QKI: variants seen among roughly 807,000 people sequenced by gnomAD.
The protein encoded by QKI is KH domain-containing RNA-binding protein QKI.
A neutral mutation model predicts 39.0 loss-of-function variants in QKI; 10 were observed. The ratio of observed to expected loss-of-function variants is 0.26; its 90% CI spans 0.16 to 0.43. The LOEUF is 0.43. QKI is among the 20% of genes least tolerant of loss of function. The pLI, the probability that QKI is intolerant of heterozygous loss-of-function variation, is 1.00. For synonymous variants in QKI, 204 were observed against 155.4 expected, an observed-to-expected ratio of 1.31 and a Z score of -2.33; for missense variants, 218 against 428.0, an observed-to-expected ratio of 0.51 and a Z score of 4.33.
intron 6 of QKI, 96 bp downstream of exon 6, chr6:163,563,815 A>G: frequency 1.3e-6 from 2 of 1,515,206 alleles, no homozygotes; most frequent in Non-Finnish European, 1.8e-6. Context: ...TAGAGAGGCA[A>G]GACAAGTTTG....
intron 2 of QKI, among the ~76,000 whole-genome samples, chr6:163,459,118 G>T (rs780749770): frequency 5.9e-5 from 9 of 152,158 alleles, no homozygotes; most frequent in Non-Finnish European, 1.0e-4. Flanking sequence ...TAACTGGGTG[G>T]GTTTAGATCT....
chr6:163,477,027 T>G (rs991657046), intron 2 of QKI, among the ~76,000 whole-genome samples: 22 of 151,206 alleles, frequency 1.5e-4, no homozygotes, highest in Admixed American at 7.9e-4. Context: ...TTTGTTTTTT[T>G]TTTTTTGAGA....
At chr6:163,500,510 T>C (rs1447537411) in intron 3 of QKI, among the ~76,000 whole-genome samples, 1 of 152,208 alleles carries the variant, frequency 6.6e-6, no homozygotes, top group Non-Finnish European at 1.5e-5. Context: ...TTTGCTTTTG[T>C]TTCCTTACCC....
rs1035200535 is a variant in QKI at position 163,569,934 on chromosome 6, A to G, written c.1010-760A>G. On this transcript the variant is annotated intron_variant, in intron 7 of 7. Transcript: ENST00000361752. ...TTTTACAGTGTTTACATGCAAGTGC[A>G]TTTTATAAGTGTTCTATATGTGTAA... is the stretch of plus-strand genomic sequence containing the variant. 4 of 986,752 alleles carry G rather than the reference A, an allele frequency of 4.1e-6. No homozygotes were observed. In the African/African-American group the frequency reaches 7.0e-5, roughly 17 times the overall value. The allele number at this position is 986,752 out of a possible 1,614,324, so 61.1% of individuals were successfully genotyped here. A position where few individuals can be genotyped will look rare whatever the true frequency, so the allele number is the denominator to read the frequency against.
intron 3 of QKI, among the ~76,000 whole-genome samples, chr6:163,521,893 T>G (rs1433195609): frequency 1.3e-5 from 2 of 152,168 alleles, no homozygotes; most frequent in African/African-American, 4.8e-5. Flanking sequence ...ATTTTGAGGC[T>G]TCTTAATTGA....
At chr6:163,505,903 C>T (rs1376396952) in intron 3 of QKI, among the ~76,000 whole-genome samples, 1 of 152,008 alleles carries the variant, frequency 6.6e-6, no homozygotes, top group African/African-American at 2.4e-5. Flanking sequence ...GTGTCTCCAC[C>T]CAAATCTCTT....
intron 1 of QKI, among the ~76,000 whole-genome samples, chr6:163,448,122 C>T (rs1032014951): frequency 2.0e-5 from 3 of 152,224 alleles, no homozygotes; most frequent in Admixed American, 1.3e-4. Context: ...TCAGGAAAAT[C>T]GAATTAACAT....
chr6:163,570,053 T>C (rs1486753290), intron 7 of QKI: 11 of 986,174 alleles, frequency 1.1e-5, no homozygotes, highest in African/African-American at 3.5e-5. Context: ...GACTACAGTT[T>C]AGTATCGCTT....
chr6:163,568,854 G>A, intron 7 of QKI: 11 of 985,756 alleles, frequency 1.1e-5, no homozygotes, highest in Non-Finnish European at 1.3e-5. Context: ...CCTTTTAGTT[G>A]TAATGAACTG....
chr6:163,450,376 A>C (rs1790466940), intron 1 of QKI, among the ~76,000 whole-genome samples: 1 of 152,184 alleles, frequency 6.6e-6, no homozygotes, highest in South Asian at 2.1e-4. Flanking sequence ...CAGATATTAA[A>C]AGGATATGTA....
rs752995915 is a variant in QKI, at chr6:163,415,184, A to G, written c.-10A>G. ...CGGCGGCGGGCGGAGTGAGCTGCGG[A>G]GCCTGGAATATGGTCGGGGAAATGG... On this transcript the variant is annotated 5_prime_UTR_variant, in exon 1 of 8. Transcript: ENST00000361752. The G allele has an allele frequency of 2.0e-6, 3 of 1,535,624 alleles. No homozygotes were observed. The highest frequency in any genetic ancestry group is 1.8e-4 in the Middle Eastern group (1 of 5,466).
chr6:163,478,517 G>C (rs1375081453), intron 2 of QKI, among the ~76,000 whole-genome samples: 1 of 152,148 alleles, frequency 6.6e-6, no homozygotes, highest in Non-Finnish European at 1.5e-5. Flanking sequence ...TTTGTTGATG[G>C]ACAGTTGTAT....
At chr6:163,450,811 C>T (rs1328034705) in intron 1 of QKI, among the ~76,000 whole-genome samples, 1 of 151,984 alleles carries the variant, frequency 6.6e-6, no homozygotes, top group Non-Finnish European at 1.5e-5. Context: ...AAATACTCCC[C>T]AAAGCTGAAA....
At chr6:163,426,867 C>T (rs572006629) in intron 1 of QKI, among the ~76,000 whole-genome samples, 11 of 152,278 alleles carry the variant, frequency 7.2e-5, no homozygotes, top group African/African-American at 2.6e-4. Context: ...TTCTAATCAT[C>T]TTTGTAGACT....
At chr6:163,502,112 C>T (rs942677324) in intron 3 of QKI, among the ~76,000 whole-genome samples, 4 of 152,042 alleles carry the variant, frequency 2.6e-5, no homozygotes, top group Admixed American at 1.3e-4. Context: ...CGCTTGAGCT[C>T]AGGAGTTCAA....
At chr6:163,500,189 T>A (rs1778672690) in intron 3 of QKI, among the ~76,000 whole-genome samples, 1 of 152,124 alleles carries the variant, frequency 6.6e-6, no homozygotes, top group Non-Finnish European at 1.5e-5. Context: ...TTGGTAAAAT[T>A]TTATTGGAAG....
intron 1 of QKI, among the ~76,000 whole-genome samples, chr6:163,448,774 T>C (rs1421418891): frequency 2.6e-5 from 4 of 151,880 alleles, no homozygotes; most frequent in Non-Finnish European, 5.9e-5. Flanking sequence ...CTCTAGTAAC[T>C]TGCTTTTTAA....
intron 1 of QKI, among the ~76,000 whole-genome samples, chr6:163,445,563 C>A (rs991303353): frequency 1.3e-5 from 2 of 151,366 alleles, no homozygotes; most frequent in African/African-American, 4.9e-5. Flanking sequence ...AAAACAATCA[C>A]ACACAAGCGC....
chr6:163,549,556 C>T (rs1478760548), intron 4 of QKI, among the ~76,000 whole-genome samples: 1 of 151,918 alleles, frequency 6.6e-6, no homozygotes, highest in African/African-American at 2.4e-5. Flanking sequence ...ACGAAAAATA[C>T]AAAAAATTAG....
Sources: gnomAD v4.1 joint callset for allele counts (sites outside exome capture counted in the v4.1 genomes callset) on GRCh38, gnomAD v4.1.1 for gene constraint, MANE v1.5 for transcripts, NCBI Gene and HGNC (gene_info 2026-07-23, HGNC 2026-07-21) for gene names.